The following NKD1 variants were observed in gnomAD, a reference collection of about 807,000 sequenced individuals.
NKD1 encodes NKD inhibitor of Wnt signaling pathway 1, also known as protein naked cuticle homolog 1.
NKD1 carries 21 observed loss-of-function variants against 56.0 expected under a neutral mutation model. The ratio of observed to expected loss-of-function variants is 0.38; its 90% CI spans 0.27 to 0.54. The LOEUF is 0.54. Among genes scored for constraint, NKD1 ranks in the 20% least tolerant of loss-of-function variants. The probability of loss-of-function intolerance (pLI) is 0.82; values close to 1 mark genes in which losing one functional copy is unlikely to be tolerated. For synonymous variants in NKD1, 263 were observed against 265.7 expected (o/e 0.99, Z 0.10); for missense variants, 578 against 642.7 (o/e 0.90, Z 1.09).
At position 50,641,427 on chromosome 16, in the gene NKD1, T is replaced by TG. The variant is rs2151283518; in HGVS notation, c.*7647dup. 1 of 152,364 alleles carries TG rather than the reference T, an allele frequency of 6.6e-6. No individual in the cohort carries two copies. Among genetic ancestry groups the TG allele is most frequent in the Non-Finnish European group, 1.5e-5 (1 of 68,032 alleles). 9.4% of individuals were successfully genotyped at this position (152,364 alleles called of 1,614,324 possible). On this transcript the variant is annotated 3_prime_UTR_variant, in exon 10 of 10. Coordinates refer to ENST00000268459, the MANE Select transcript of NKD1 (RefSeq NM_033119.5). ...GCCTGGCCCATCGATGTGTCATGTT[T>TG]GACCCATCAAGGGTTTCAAAAATTT...
At chr16:50,572,684 G>C (rs930010652) in intron 3 of NKD1, among the ~76,000 whole-genome samples, 1 of 152,144 alleles carries the variant, frequency 6.6e-6, no homozygotes, top group South Asian at 2.1e-4. Context: ...GCACCAGTTT[G>C]CCCATCTCTA....
intron 3 of NKD1, among the ~76,000 whole-genome samples, chr16:50,576,746 C>CTTTTT (rs55799406): frequency 9.0e-5 from 13 of 144,404 alleles, no homozygotes; most frequent in African/African-American, 3.1e-4. Context: ...CAATAAAGTG[C>CTTTTT]TTTTTTTTTT....
rs147448018 is a variant in NKD1, at chr16:50,567,122, C to T, written c.192+17567C>T. Among the ~76,000 whole-genome samples the T allele has an allele frequency of 5.3e-3, 800 of 151,846 alleles. 6 individuals are homozygous for T. The highest frequency in any genetic ancestry group is 0.018 in the African/African-American group (765 of 41,420). ...ACCAGGCTTCAGACTTGGGTTTATA[C>T]TGAACCGTGTTGACGCTGGGCCTTA... On this transcript the variant is annotated intron_variant, in intron 3 of 9. Transcript: ENST00000268459.
At chr16:50,596,621 C>A (rs112070138) in intron 3 of NKD1, among the ~76,000 whole-genome samples, 19 of 152,348 alleles carry the variant, frequency 1.2e-4, no homozygotes, top group African/African-American at 4.6e-4. Flanking sequence ...CAAGAAAATG[C>A]AGGGCGTGTT....
In NKD1 at chr16:50,641,652, G is replaced by A. The variant is rs574036099; in HGVS notation, c.*7871G>A. ...TGATTTTGAGGCCTGGCTTTGATGC[G>A]ATTCAGCTCATGACCCCTGCGCAGC... On this transcript the variant is annotated 3_prime_UTR_variant, in exon 10 of 10. Coordinates refer to ENST00000268459, the MANE Select transcript of NKD1 (RefSeq NM_033119.5). 9 of 152,326 alleles carry A rather than the reference G, an allele frequency of 5.9e-5. No homozygotes were observed. Among genetic ancestry groups the A allele is most frequent in the African/African-American group, 1.9e-4 (8 of 41,556 alleles). The allele number at this position is 152,326 out of a possible 1,614,324, so 9.4% of individuals were successfully genotyped here. A position where few individuals can be genotyped will look rare whatever the true frequency, so the allele number is the denominator to read the frequency against.
At chr16:50,612,868 C>T (rs1482253295) in intron 4 of NKD1, among the ~76,000 whole-genome samples, 1 of 152,146 alleles carries the variant, frequency 6.6e-6, no homozygotes, top group Non-Finnish European at 1.5e-5. Context: ...GGATTCTGAC[C>T]TCTGTTTTAA....
At chr16:50,613,413 T>G in intron 4 of NKD1, among the ~76,000 whole-genome samples, 1 of 151,946 alleles carries the variant, frequency 6.6e-6, no homozygotes, top group Non-Finnish European at 1.5e-5. Context: ...GAGGAGTTCA[T>G]GGGAAGGCAG....
At chr16:50,560,864 A>ATCTATCTATCTATCTG (rs71138084) in intron 3 of NKD1, among the ~76,000 whole-genome samples, 2 of 151,504 alleles carry the variant, frequency 1.3e-5, no homozygotes, top group South Asian at 4.2e-4. Context: ...CTATCTATCT[A>ATCTATCTATCTATCTG]CAGCAGAGGC....
At chr16:50,589,748 TCTTC>T (rs1961315923) in intron 3 of NKD1, among the ~76,000 whole-genome samples, 1 of 102,698 alleles carries the variant, frequency 9.7e-6, no homozygotes, top group Non-Finnish European at 1.9e-5. Context: ...TCTTCTCTTC[TCTTC>T]TCTTCTCTTC....
At chr16:50,564,143 A>G (rs1960706832) in intron 3 of NKD1, among the ~76,000 whole-genome samples, 1 of 152,370 alleles carries the variant, frequency 6.6e-6, no homozygotes, top group Non-Finnish European at 1.5e-5. Context: ...CTTGTAACAT[A>G]GCTGTGTTCA....
Position 50,636,168 on chromosome 16 carries a change from G to T in NKD1, c.*2387G>T, listed in dbSNP as rs1021244548. 1 of 152,282 alleles carries T rather than the reference G, an allele frequency of 6.6e-6. No homozygotes were observed. Among genetic ancestry groups the T allele is most frequent in the Non-Finnish European group, 1.5e-5 (1 of 68,098 alleles). The allele number at this position is 152,282 out of a possible 1,614,324, so 9.4% of individuals were successfully genotyped here. ...GGGTCACGTGGCCAACCTGCCGCAAGGGGGTGGGGTCTGTACCGGAAGACA... is the reference window on the plus strand; with the variant it reads ...GGGTCACGTGGCCAACCTGCCGCAATGGGGTGGGGTCTGTACCGGAAGACA... On this transcript the variant is annotated 3_prime_UTR_variant, in exon 10 of 10. Coordinates refer to ENST00000268459, the MANE Select transcript of NKD1 (RefSeq NM_033119.5).
chr16:50,645,939 A>C lies in NKD1; in HGVS notation c.*12158A>C, dbSNP rs988382659. 6.6e-6 allele frequency: 1 copy of C among 152,180 alleles called. No individual in the cohort carries two copies. Among genetic ancestry groups the C allele is most frequent in the Non-Finnish European group, 1.5e-5 (1 of 68,038 alleles). The allele number at this position is 152,180 out of a possible 1,614,324, so 9.4% of individuals were successfully genotyped here. A position where few individuals can be genotyped will look rare whatever the true frequency, so the allele number is the denominator to read the frequency against. On this transcript the variant is annotated 3_prime_UTR_variant, in exon 10 of 10. Transcript: ENST00000268459. Reference sequence around the variant, plus strand: ...AAGGCAGAAAGGGAAGGGCTGACTTATGTCCCTCTGCCAGGAGAGGGGAAA... The same window carrying C: ...AAGGCAGAAAGGGAAGGGCTGACTTCTGTCCCTCTGCCAGGAGAGGGGAAA...
In NKD1 at chr16:50,641,799, CTT is replaced by C. The variant is rs761973223; in HGVS notation, c.*8020_*8021del. 1 of 152,422 alleles carries C rather than the reference CTT, an allele frequency of 6.6e-6. No homozygotes were observed. The highest frequency in any genetic ancestry group is 1.5e-5 in the Non-Finnish European group (1 of 68,262). The allele number at this position is 152,422 out of a possible 1,614,324, so 9.4% of individuals were successfully genotyped here. On this transcript the variant is annotated 3_prime_UTR_variant, in exon 10 of 10. Coordinates refer to ENST00000268459, the MANE Select transcript of NKD1 (RefSeq NM_033119.5). ...CATGGGAGGACTTTCATGGGGAAGT[CTT>C]TGGGGCAGTCCTGGAGACCCTCACA...
intron 3 of NKD1, among the ~76,000 whole-genome samples, chr16:50,565,247 C>A (rs2151265106): frequency 6.6e-6 from 1 of 152,162 alleles, no homozygotes; most frequent in East Asian, 1.9e-4. Context: ...AGGTGTGGGC[C>A]TGTAGTCCCA....
chr16:50,628,783 T>G (rs1005494617), intron 6 of NKD1, among the ~76,000 whole-genome samples: 5 of 152,208 alleles, frequency 3.3e-5, no homozygotes, highest in Admixed American at 6.5e-5. Context: ...AATAAAATAC[T>G]ACAGACTGGG....
At chr16:50,584,090 G>A (rs947208512) in intron 3 of NKD1, among the ~76,000 whole-genome samples, 1 of 152,200 alleles carries the variant, frequency 6.6e-6, no homozygotes, top group South Asian at 2.1e-4. Flanking sequence ...GGTGGGAGCT[G>A]TATGGACCTG....
At chr16:50,563,494 G>A (rs1949481386) in intron 3 of NKD1, among the ~76,000 whole-genome samples, 1 of 150,076 alleles carries the variant, frequency 6.7e-6, no homozygotes, top group Non-Finnish European at 1.5e-5. Context: ...TGGACCCATG[G>A]AGAAGACCTT....
chr16:50,637,443 C>T lies in NKD1; in HGVS notation c.*3662C>T, dbSNP rs553278039. The T allele has an allele frequency of 6.6e-6, 1 of 152,280 alleles. No homozygotes were observed. Among genetic ancestry groups the T allele is most frequent in the African/African-American group, 2.4e-5 (1 of 41,556 alleles). 9.4% of individuals were successfully genotyped at this position (152,280 alleles called of 1,614,324 possible). A position where few individuals can be genotyped will look rare whatever the true frequency, so the allele number is the denominator to read the frequency against. ...ATTAGCTGGGCATGGTGGTGCGTGC[C>T]TGTAATCTCAGCTACTCGGGAGGCC... is the stretch of plus-strand genomic sequence containing the variant. On this transcript the variant is annotated 3_prime_UTR_variant, in exon 10 of 10. Transcript: ENST00000268459.
At chr16:50,559,110 G>C (rs1960567572) in intron 3 of NKD1, among the ~76,000 whole-genome samples, 1 of 152,218 alleles carries the variant, frequency 6.6e-6, no homozygotes, top group South Asian at 2.1e-4. Flanking sequence ...CTGATTCTCA[G>C]TTTTCACATC....
Sources: allele counts gnomAD v4.1 joint callset (sites outside exome capture counted in the v4.1 genomes callset), GRCh38; gene constraint gnomAD v4.1.1; transcripts MANE v1.5; gene names NCBI Gene and HGNC (gene_info 2026-07-23, HGNC 2026-07-21).